Variants in ENOX1 observed in about 807,000 individuals in gnomAD.
ENOX1 encodes the protein candidate growth-related and time keeping constitutive hydroquinone (NADH) oxidase.
ENOX1 carries 42 observed loss-of-function variants against 82.5 expected under a neutral mutation model. That is an observed-to-expected ratio of 0.51 (90% CI 0.40 to 0.66). ENOX1 has a LOEUF of 0.66. Among genes scored for constraint, ENOX1 ranks in the 30% least tolerant of loss-of-function variants. The pLI, the probability that ENOX1 is intolerant of heterozygous loss-of-function variation, is 0.00. For missense variants in ENOX1, 608 were observed against 811.6 expected (o/e 0.75, Z 3.05); for synonymous variants, 271 against 282.2 (o/e 0.96, Z 0.40).
chr13:43,651,571 C>G (rs1429769027), intron 2 of ENOX1, among the ~76,000 whole-genome samples: 1 of 151,822 alleles, frequency 6.6e-6, no homozygotes, highest in Non-Finnish European at 1.5e-5. Context: ...GTGGCAGGAA[C>G]CTGTAATCCC....
intron 3 of ENOX1, among the ~76,000 whole-genome samples, chr13:43,457,983 T>C (rs1488716155): frequency 1.3e-5 from 2 of 152,226 alleles, no homozygotes; most frequent in Non-Finnish European, 2.9e-5. Context: ...AAGAAATTTA[T>C]GTTAGCTTGC....
At chr13:43,393,376 T>C (rs905924795) in intron 5 of ENOX1, among the ~76,000 whole-genome samples, 3 of 152,352 alleles carry the variant, frequency 2.0e-5, no homozygotes, top group African/African-American at 7.2e-5. Flanking sequence ...TCTAATAAAA[T>C]AGATTAGATA....
chr13:43,707,279 G>A (rs1410167591), intron 1 of ENOX1, among the ~76,000 whole-genome samples: 1 of 152,076 alleles, frequency 6.6e-6, no homozygotes, highest in East Asian at 1.9e-4. Context: ...ATGAATAGAT[G>A]TTTCATGTTT....
chr13:43,361,977 T>TA lies in ENOX1; in HGVS notation c.209-526dup, dbSNP rs10716300. ...CCCACCTAACCTATTTCCCCTGGAA[T>TA]AAAAAAAAAAAAAAAAGCAAAACAA... On this transcript the variant is annotated intron_variant, in intron 5 of 16. Transcript: ENST00000690772. Among the ~76,000 whole-genome samples the TA allele has an allele frequency of 7.9e-3, 1,017 of 128,648 alleles. 4 individuals carry two copies. Among genetic ancestry groups the TA allele is most frequent in the Non-Finnish European group, 9.7e-3 (575 of 59,458 alleles). 84.4% of individuals were successfully genotyped at this position (128,648 alleles called of 152,430 possible).
In ENOX1 at chr13:43,304,061, G is replaced by C. The variant is rs528556193; in HGVS notation, c.1262-5531C>G. 2.0e-4 allele frequency among the ~76,000 whole-genome samples: 31 copies of C among 152,300 alleles called. 1 individual carries two copies. In the Middle Eastern group the frequency reaches 0.01, roughly 50 times the overall value. ...CCTTTTGTATGAGCCCCGACTCCATGTTCTGCACCTGGGAAGGCAGCCCTG... is the reference window on the plus strand; with the variant it reads ...CCTTTTGTATGAGCCCCGACTCCATCTTCTGCACCTGGGAAGGCAGCCCTG... On this transcript the variant is annotated intron_variant, in intron 11 of 16. Coordinates refer to ENST00000690772, the MANE Select transcript of ENOX1 (RefSeq NM_001347969.2).
chr13:43,588,041 G>A (rs931342025), intron 2 of ENOX1, among the ~76,000 whole-genome samples: 2 of 152,046 alleles, frequency 1.3e-5, no homozygotes, highest in African/African-American at 2.4e-5. Context: ...TGGAAAGGGA[G>A]ACCCAAATTA....
intron 2 of ENOX1, among the ~76,000 whole-genome samples, chr13:43,486,754 CTG>C (rs2076436237): frequency 6.6e-6 from 1 of 152,196 alleles, no homozygotes; most frequent in Admixed American, 6.5e-5. Flanking sequence ...GGTACTAAAA[CTG>C]TATAACTTAG....
intron 12 of ENOX1, among the ~76,000 whole-genome samples, chr13:43,288,190 G>T (rs1474331389): frequency 3.3e-5 from 5 of 152,178 alleles, no homozygotes; most frequent in African/African-American, 1.2e-4. Flanking sequence ...CCCCAAATTT[G>T]GCAACTCTTG....
chr13:43,786,271 G>T lies in ENOX1; in HGVS notation c.-285+381C>A, dbSNP rs1051565971. On this transcript the variant is annotated intron_variant, in intron 1 of 16. Coordinates refer to ENST00000690772, the MANE Select transcript of ENOX1 (RefSeq NM_001347969.2). This position sits in a 1 kb window ranked among gnomAD's most constrained non-coding sequence, Gnocchi z 6.0. The stretch of plus-strand genomic sequence containing the variant: ...CGGGTCCCGGGGGCGACGCCCGCAG[G>T]GGGAGACGGGTGCGGGGTGCGCTGT... Among the ~76,000 whole-genome samples, 5 of 152,306 alleles carry T rather than the reference G, an allele frequency of 3.3e-5. No individual in the cohort carries two copies. The highest frequency in any genetic ancestry group is 3.9e-4 in the East Asian group (2 of 5,164).
intron 1 of ENOX1, among the ~76,000 whole-genome samples, chr13:43,770,164 G>A (rs9590787): frequency 0.078 from 11,915 of 152,226 alleles, 701 homozygotes; most frequent in African/African-American, 0.16. Flanking sequence ...AGGCATTTCC[G>A]CTTCTTCTTT....
chr13:43,479,336 T>C (rs1284893107), intron 3 of ENOX1, among the ~76,000 whole-genome samples: 1 of 151,980 alleles, frequency 6.6e-6, no homozygotes, highest in Non-Finnish European at 1.5e-5. Context: ...AAAAAACAAC[T>C]ACTACTTTAT....
intron 1 of ENOX1, among the ~76,000 whole-genome samples, chr13:43,767,550 G>C (rs112049857): frequency 1.2e-3 from 188 of 152,332 alleles, no homozygotes; most frequent in African/African-American, 4.3e-3. Flanking sequence ...TGCTTTAAAA[G>C]GAAGTTTCTA....
intron 1 of ENOX1, among the ~76,000 whole-genome samples, chr13:43,693,184 T>C (rs1445300276): frequency 6.6e-6 from 1 of 152,164 alleles, no homozygotes; most frequent in Non-Finnish European, 1.5e-5. Context: ...TCCTTCTTTA[T>C]ACCTTCTTTC....
At chr13:43,727,797 T>C (rs1471930370) in intron 1 of ENOX1, among the ~76,000 whole-genome samples, 6 of 152,218 alleles carry the variant, frequency 3.9e-5, no homozygotes, top group Non-Finnish European at 8.8e-5. Flanking sequence ...CTTTGGCTAC[T>C]AATATTATTG....
chr13:43,470,226 A>ATGTGTG (rs373417287), intron 3 of ENOX1, among the ~76,000 whole-genome samples: 23 of 57,754 alleles, frequency 4.0e-4, no homozygotes, highest in South Asian at 1.6e-3. Context: ...ATGTGTGTGT[A>ATGTGTG]TGTGTGTGTG....
intron 5 of ENOX1, among the ~76,000 whole-genome samples, chr13:43,409,100 T>G (rs2053970214): frequency 6.8e-6 from 1 of 147,862 alleles, no homozygotes; most frequent in African/African-American, 2.5e-5. Context: ...AGTGTGAGAA[T>G]AATTATTTAC....
chr13:43,715,877 G>A (rs137947821), intron 1 of ENOX1, among the ~76,000 whole-genome samples: 234 of 150,592 alleles, frequency 1.6e-3, no homozygotes, highest in African/African-American at 5.0e-3. Context: ...CATTCTTCAC[G>A]TAGTTCTCGA....
intron 12 of ENOX1, among the ~76,000 whole-genome samples, chr13:43,296,296 A>G (rs1446189657): frequency 6.6e-6 from 1 of 152,220 alleles, no homozygotes; most frequent in Non-Finnish European, 1.5e-5. Context: ...CTACATGAAC[A>G]GTGTATTTAT....
chr13:43,365,847 C>CCTCA (rs2050814147), intron 5 of ENOX1, among the ~76,000 whole-genome samples: 1 of 152,210 alleles, frequency 6.6e-6, no homozygotes, highest in South Asian at 2.1e-4. Flanking sequence ...CCAGATGGAC[C>CCTCA]CTCAAGTCCA....
Sources: gnomAD v4.1 joint callset for allele counts (sites outside exome capture counted in the v4.1 genomes callset) on GRCh38, gnomAD v4.1.1 for gene constraint, Gnocchi (gnomAD v3.1) non-coding constraint, MANE v1.5 for transcripts, NCBI Gene and HGNC (gene_info 2026-07-23, HGNC 2026-07-21) for gene names.